ARHGAP44: variants seen among roughly 807,000 people sequenced by gnomAD.
ARHGAP44 encodes Rho GTPase activating protein 44.
In ARHGAP44, 43 loss-of-function variants were observed where a neutral mutation model predicts 106.8. The observed-to-expected ratio is 0.40, with a 90% confidence interval of 0.32 to 0.52. The LOEUF (loss-of-function observed/expected upper bound fraction) is 0.52, where lower values mean the gene tolerates loss of function less well. Ranked by LOEUF, ARHGAP44 falls within the 20% of genes least tolerant of loss-of-function variation. ARHGAP44 has a pLI of 0.48. For synonymous variants in ARHGAP44, 439 were observed against 410.3 expected (o/e 1.07, Z -0.85); for missense variants, 866 against 1,050.5 (o/e 0.82, Z 2.43).
Position 12,980,251 on chromosome 17 carries a change from T to C in ARHGAP44, c.1939+18T>C. The stretch of plus-strand genomic sequence containing the variant: ...CCGGAAAGGTATGGCCCTGCTTCCC[T>C]TCTCCTTGGTCTCAGGCCGGAGGTG... On this transcript the variant is annotated intron_variant, in intron 19 of 20. Transcript: ENST00000379672. 6.3e-7 allele frequency: 1 copy of C among 1,594,124 alleles called. No individual in the cohort carries two copies. The highest frequency in any genetic ancestry group is 2.2e-5 in the East Asian group (1 of 44,472).
chr17:12,955,728 C>T (rs189704846), intron 13 of ARHGAP44, 139 bp from the exon 14 acceptor site: 145 of 590,668 alleles, frequency 2.5e-4, no homozygotes, highest in African/African-American at 3.0e-4. Flanking sequence ...TGACACGTGA[C>T]GCATGTTCAT....
rs199945288 is a variant in ARHGAP44, at chr17:12,887,633, GTAGTATTAGA to G, written c.54-7305_54-7296del. On this transcript the variant is annotated intron_variant, in intron 1 of 20. Transcript: ENST00000379672. ...TTTTTGGTCATGTTTTGATATCAAA[GTAGTATTAGA>G]TTCATAAAATGAATTGAGAAGCGTT... Among the ~76,000 whole-genome samples the G allele has an allele frequency of 2.6e-3, 395 of 152,244 alleles. 10 individuals carry two copies. The East Asian group carries it at 0.044, about 17-fold the overall frequency.
chr17:12,979,261 T>C (rs535046572), intron 18 of ARHGAP44, among the ~76,000 whole-genome samples: 8 of 152,282 alleles, frequency 5.3e-5, no homozygotes, highest in Non-Finnish European at 1.0e-4. Context: ...GTTTGTGGTG[T>C]AGAGTGAGGT....
chr17:12,974,466 A>G (rs2039620471), intron 18 of ARHGAP44, among the ~76,000 whole-genome samples, 156 bp downstream of exon 18: 1 of 152,138 alleles, frequency 6.6e-6, no homozygotes, highest in Non-Finnish European at 1.5e-5. Context: ...GCTGGCACCA[A>G]GTCAGTCATC....
intron 16 of ARHGAP44, chr17:12,973,018 GTTTC>G (rs1199711887): frequency 5.3e-5 from 21 of 396,054 alleles, no homozygotes; most frequent in African/African-American, 3.7e-4. Flanking sequence ...ACTTTTACCA[GTTTC>G]TTTCTTCCTT....
At chr17:12,824,722 A>G (rs1187473807) in intron 1 of ARHGAP44, among the ~76,000 whole-genome samples, 1 of 151,974 alleles carries the variant, frequency 6.6e-6, no homozygotes, top group Non-Finnish European at 1.5e-5. Context: ...AAATCTGAAT[A>G]TGTCCATCTA....
intron 12 of ARHGAP44, among the ~76,000 whole-genome samples, chr17:12,950,419 A>G (rs1421232838): frequency 1.3e-5 from 2 of 152,218 alleles, no homozygotes; most frequent in Admixed American, 1.3e-4. Context: ...AGCCAGGCGC[A>G]GGGCTGTAGC....
chr17:12,920,105 A>G (rs529753876), intron 6 of ARHGAP44, among the ~76,000 whole-genome samples: 4 of 152,070 alleles, frequency 2.6e-5, no homozygotes, highest in East Asian at 1.9e-4. Context: ...GGCCGGGTGC[A>G]GTGGCTCACA....
chr17:12,885,397 G>A (rs559040481), intron 1 of ARHGAP44, among the ~76,000 whole-genome samples: 2 of 151,100 alleles, frequency 1.3e-5, no homozygotes, highest in African/African-American at 4.9e-5. Context: ...TGGGTCATAT[G>A]GCAAGTGTAT....
chr17:12,892,129 G>A (rs908053981), intron 1 of ARHGAP44, among the ~76,000 whole-genome samples: 6 of 152,170 alleles, frequency 3.9e-5, no homozygotes, highest in African/African-American at 7.2e-5. Context: ...GCAATAAGAA[G>A]CCTGCTGATG....
At chr17:12,926,492 AATATATGTATATAT>A (rs1279166443) in intron 6 of ARHGAP44, among the ~76,000 whole-genome samples, 2 of 143,642 alleles carry the variant, frequency 1.4e-5, no homozygotes, top group Admixed American at 7.2e-5. Context: ...ATGTATGTAT[AATATATGTATATAT>A]ATTATATATG....
At chr17:12,951,966 G>C (rs1449184188) in intron 12 of ARHGAP44, among the ~76,000 whole-genome samples, 1 of 152,100 alleles carries the variant, frequency 6.6e-6, no homozygotes, top group African/African-American at 2.4e-5. Context: ...ATAAGACATT[G>C]CACTTCAGGC....
At chr17:12,902,698 C>T (rs553898435) in intron 3 of ARHGAP44, among the ~76,000 whole-genome samples, 47 of 152,312 alleles carry the variant, frequency 3.1e-4, no homozygotes, top group Admixed American at 9.2e-4. Context: ...TGGAATCTGA[C>T]GACCCAAGGG....
intron 16 of ARHGAP44, among the ~76,000 whole-genome samples, chr17:12,970,468 C>G (rs969931225): frequency 6.6e-6 from 1 of 152,034 alleles, no homozygotes. Context: ...TCTGTAGGCT[C>G]CCTACCTCCT....
intron 3 of ARHGAP44, among the ~76,000 whole-genome samples, chr17:12,900,064 C>T (rs73978275): frequency 0.011 from 1,732 of 152,208 alleles, 30 homozygotes; most frequent in African/African-American, 0.04. Flanking sequence ...AAACTGGATT[C>T]CTTATGTGGA....
In ARHGAP44 at chr17:12,973,747, A is replaced by G. The variant is rs145005134; in HGVS notation, c.1542-342A>G. ...ACACACCGCTGTGAGGAAGGCTGGC[A>G]GTTTACACCCAGGGAGCTTGCCGGG... On this transcript the variant is annotated intron_variant, in intron 17 of 20. Coordinates refer to ENST00000379672, the MANE Select transcript of ARHGAP44 (RefSeq NM_014859.6). 1.3e-4 allele frequency: 64 copies of G among 505,072 alleles called. No individual in the cohort carries two copies. In the Middle Eastern group the frequency reaches 3.2e-3, roughly 25 times the overall value. 31.3% of individuals were successfully genotyped at this position (505,072 alleles called of 1,614,324 possible).
chr17:12,796,001 A>G (rs1268443219), intron 1 of ARHGAP44, among the ~76,000 whole-genome samples: 4 of 152,290 alleles, frequency 2.6e-5, no homozygotes, highest in East Asian at 3.9e-4. Flanking sequence ...TTTTGGTTAT[A>G]TAAGTAATAT....
intron 16 of ARHGAP44, among the ~76,000 whole-genome samples, chr17:12,967,797 A>G (rs981738789): frequency 6.6e-6 from 1 of 152,146 alleles, no homozygotes; most frequent in Non-Finnish European, 1.5e-5. Flanking sequence ...CTTTAAAAGA[A>G]GCATGCCATT....
At chr17:12,943,357 C>G (rs1199626985) in intron 8 of ARHGAP44, among the ~76,000 whole-genome samples, 1 of 152,198 alleles carries the variant, frequency 6.6e-6, no homozygotes, top group African/African-American at 2.4e-5. Flanking sequence ...CTGAAGAGCT[C>G]CCCCTATTCC....
Sources: allele counts gnomAD v4.1 joint callset (sites outside exome capture counted in the v4.1 genomes callset), GRCh38; gene constraint gnomAD v4.1.1; transcripts MANE v1.5; gene names NCBI Gene and HGNC (gene_info 2026-07-23, HGNC 2026-07-21).